The following PPP2R5C variants were observed in gnomAD, a reference collection of about 807,000 sequenced individuals.
PPP2R5C encodes the protein protein phosphatase 2 regulatory subunit B'gamma.
PPP2R5C carries 7 observed loss-of-function variants against 68.9 expected under a neutral mutation model. The observed-to-expected ratio is 0.10, with a 90% CI of 0.06 to 0.19. PPP2R5C has a LOEUF of 0.19. Ranked by LOEUF, PPP2R5C falls within the 10% of genes least tolerant of loss-of-function variation. The probability of loss-of-function intolerance (pLI) is 1.00; values close to 1 mark genes in which losing one functional copy is unlikely to be tolerated. For missense variants in PPP2R5C, 348 were observed against 641.3 expected (o/e 0.54, Z 4.94); for synonymous variants, 210 against 222.2 (o/e 0.95, Z 0.49).
At chr14:101,809,201 C>G (rs1328871825), upstream of PPP2R5C, among the ~76,000 whole-genome samples, 1 of 151,956 alleles carries the variant, frequency 6.6e-6, no homozygotes, top group East Asian at 1.9e-4. Flanking sequence ...CACTTTCTAG[C>G]TATCGAATTT....
In PPP2R5C at chr14:101,882,111, G is replaced by A. The variant is rs2044204925; in HGVS notation, c.295-50G>A. 2.1e-6 allele frequency: 3 copies of A among 1,416,006 alleles called. No individual in the cohort carries two copies. The highest frequency in any genetic ancestry group is 2.9e-6 in the Non-Finnish European group (3 of 1,042,058). The allele number at this position is 1,416,006 out of a possible 1,614,324, so 87.7% of individuals were successfully genotyped here. A position where few individuals can be genotyped will look rare whatever the true frequency, so the allele number is the denominator to read the frequency against. ...CCTAAGACTTTATAAAATGTTGTCT[G>A]TAAATATTTTAAATGCCCTGATTGT... On this transcript the variant is annotated intron_variant, in intron 2 of 13. Transcript: ENST00000334743. This position sits in a 1 kb window ranked among gnomAD's most constrained non-coding sequence, Gnocchi z 4.9.
At chr14:101,828,676 CTT>C (rs547728275) in intron 1 of PPP2R5C, among the ~76,000 whole-genome samples, 26 of 131,028 alleles carry the variant, frequency 2.0e-4, no homozygotes, top group Middle Eastern at 4.0e-3. Context: ...CACAGATACT[CTT>C]TTTTTTTTTT....
At position 101,831,582 on chromosome 14, in the gene PPP2R5C, C is replaced by T. The variant is rs2040743063; in HGVS notation, c.94+21546C>T. ...CCTGTCTGAGTTGTAAGATGGGACA[C>T]AACTCCTTATCATAGTACATTCCTT... On this transcript the variant is annotated intron_variant, in intron 1 of 13. Coordinates refer to ENST00000334743, the Ensembl canonical transcript of PPP2R5C. 1.4e-5 allele frequency: 7 copies of T among 514,042 alleles called. No homozygotes were observed. In the South Asian group the frequency reaches 1.9e-4, roughly 14 times the overall value. The allele number at this position is 514,042 out of a possible 1,614,324, so 31.8% of individuals were successfully genotyped here. A position where few individuals can be genotyped will look rare whatever the true frequency, so the allele number is the denominator to read the frequency against.
Position 101,906,639 on chromosome 14 carries a change from A to G in PPP2R5C, c.1151+110A>G. ...AATTTTAAATATCAATTAAAAAACAAGAAGGTCAGTTGCTTTGTGGACTCA... is the reference window on the plus strand; with the variant it reads ...AATTTTAAATATCAATTAAAAAACAGGAAGGTCAGTTGCTTTGTGGACTCA... On this transcript the variant is annotated intron_variant, in intron 10 of 13. Coordinates refer to ENST00000334743, the Ensembl canonical transcript of PPP2R5C. The surrounding 1 kb of genome is among the most constrained non-coding windows in gnomAD (Gnocchi z 4.0). The G allele has an allele frequency of 7.2e-7, 1 of 1,389,494 alleles. No homozygotes were observed. Among genetic ancestry groups the G allele is most frequent in the South Asian group, 1.5e-5 (1 of 68,510 alleles). The allele number at this position is 1,389,494 out of a possible 1,614,324, so 86.1% of individuals were successfully genotyped here. A position where few individuals can be genotyped will look rare whatever the true frequency, so the allele number is the denominator to read the frequency against.
chr14:101,791,243 G>A (rs2038352070), intron 3 of PPP2R5C, among the ~76,000 whole-genome samples: 1 of 152,158 alleles, frequency 6.6e-6, no homozygotes, highest in Non-Finnish European at 1.5e-5. Context: ...ATTCTTGTGG[G>A]TGTGTAATGG....
chr14:101,891,068 G>A lies in PPP2R5C; in HGVS notation c.689+772G>A, dbSNP rs1178144344. On this transcript the variant is annotated intron_variant, in intron 6 of 13. Transcript: ENST00000334743. This position sits in a 1 kb window ranked among gnomAD's most constrained non-coding sequence, Gnocchi z 4.9. ...ATTACAGGCATGAGCCACCACGCCC[G>A]GCCACTTTTATTTAATTGATAACCC... is the stretch of plus-strand genomic sequence containing the variant. Among the ~76,000 whole-genome samples the A allele has an allele frequency of 1.3e-5, 2 of 152,026 alleles. No homozygotes were observed. Among genetic ancestry groups the A allele is most frequent in the Admixed American group, 6.6e-5 (1 of 15,242 alleles).
chr14:101,784,854 G>T (rs563811276), intron 2 of PPP2R5C, among the ~76,000 whole-genome samples: 1 of 152,344 alleles, frequency 6.6e-6, no homozygotes, highest in African/African-American at 2.4e-5. Context: ...GCAGCAAACA[G>T]CTGTGGGCCA....
chr14:101,854,840 A>G (rs1411553396), intron 1 of PPP2R5C, among the ~76,000 whole-genome samples: 1 of 152,236 alleles, frequency 6.6e-6, no homozygotes, highest in African/African-American at 2.4e-5. Context: ...TAATAAACAT[A>G]TTACATTTTA....
intron 10 of PPP2R5C, among the ~76,000 whole-genome samples, chr14:101,907,943 G>C (rs2046149385): frequency 1.3e-5 from 2 of 152,188 alleles, no homozygotes; most frequent in African/African-American, 4.8e-5. Context: ...GTCCACTCGC[G>C]TCAAGTCTTC....
At chr14:101,902,207 T>C (rs1467322555) in intron 9 of PPP2R5C, among the ~76,000 whole-genome samples, 1 of 152,194 alleles carries the variant, frequency 6.6e-6, no homozygotes, top group African/African-American at 2.4e-5. Flanking sequence ...AGCATCAATA[T>C]TGATAGACAA....
exon 14 of PPP2R5C, chr14:101,925,634 A>G (rs867934823): frequency 4.2e-5 from 7 of 168,572 alleles, no homozygotes; most frequent in African/African-American, 1.7e-4. Context: ...CTGTGATAAC[A>G]TCAGTGTTTT....
intron 9 of PPP2R5C, among the ~76,000 whole-genome samples, chr14:101,903,449 C>G (rs1336484764): frequency 1.3e-5 from 2 of 152,186 alleles, no homozygotes; most frequent in Non-Finnish European, 2.9e-5. Flanking sequence ...AGGAACAGAG[C>G]ATGAAGGCTG....
intron 2 of PPP2R5C, among the ~76,000 whole-genome samples, chr14:101,860,225 A>C (rs1298978896): frequency 6.6e-6 from 1 of 152,074 alleles, no homozygotes; most frequent in Non-Finnish European, 1.5e-5. Context: ...CCCAGCCCTG[A>C]GCAACCACTG....
At chr14:101,766,023 C>T (rs1039321147) in intron 2 of PPP2R5C, 1 of 152,222 alleles carries the variant, frequency 6.6e-6, no homozygotes, top group African/African-American at 2.4e-5. Context: ...GGGACCTGTC[C>T]AGGGCAGAGC....
At chr14:101,819,136 C>A in intron 1 of PPP2R5C, 8 of 1,463,548 alleles carry the variant, frequency 5.5e-6, no homozygotes, top group South Asian at 1.2e-5. Flanking sequence ...TAGACAGTTT[C>A]TGTACATGTA....
At chr14:101,901,248 A>G (rs1183657419) in intron 8 of PPP2R5C, among the ~76,000 whole-genome samples, 1 of 152,154 alleles carries the variant, frequency 6.6e-6, no homozygotes, top group African/African-American at 2.4e-5. Context: ...TTCTTTCTAA[A>G]TTATTGTCCT....
At chr14:101,914,097 A>T in intron 12 of PPP2R5C, 2 of 448,366 alleles carry the variant, frequency 4.5e-6, no homozygotes, top group Admixed American at 2.5e-5. Context: ...CTTTTTCTCA[A>T]CTTTTCCTGA....
chr14:101,895,939 T>C (rs756415299), intron 8 of PPP2R5C, among the ~76,000 whole-genome samples: 23 of 152,176 alleles, frequency 1.5e-4, no homozygotes, highest in African/African-American at 4.8e-4. Context: ...CCTGCAGCAA[T>C]GCACAAAGGC....
At chr14:101,791,152 A>G (rs1471249493) in intron 3 of PPP2R5C, among the ~76,000 whole-genome samples, 1 of 152,214 alleles carries the variant, frequency 6.6e-6, no homozygotes, top group African/African-American at 2.4e-5. Context: ...ACTGTTTTAC[A>G]TTTCCACCAA....
Sources: allele counts gnomAD v4.1 joint callset (sites outside exome capture counted in the v4.1 genomes callset), GRCh38; gene constraint gnomAD v4.1.1; non-coding constraint Gnocchi (gnomAD v3.1); transcripts MANE v1.5; gene names NCBI Gene and HGNC (gene_info 2026-07-23, HGNC 2026-07-21).